Variants in SMYD3 observed in about 807,000 individuals in gnomAD.
The protein encoded by SMYD3 is SET and MYND domain containing 3, also known as histone-lysine N-methyltransferase SMYD3.
A neutral mutation model predicts 57.7 loss-of-function variants in SMYD3; 36 were observed. That is an observed-to-expected ratio of 0.62 (90% CI 0.48 to 0.82). The LOEUF (loss-of-function observed/expected upper bound fraction) is 0.82. SMYD3 is among the 40% of genes least tolerant of loss of function. SMYD3 has a pLI of 0.00. For synonymous variants in SMYD3, 211 were observed against 195.0 expected (o/e 1.08, Z -0.68); for missense variants, 515 against 538.8 (o/e 0.96, Z 0.44).
intron 5 of SMYD3, among the ~76,000 whole-genome samples, chr1:246,004,533 C>T (rs189588963): frequency 1.3e-5 from 2 of 152,230 alleles, no homozygotes; most frequent in Non-Finnish European, 2.9e-5. Flanking sequence ...GACAGCCTCC[C>T]GATTACACTG....
intron 8 of SMYD3, among the ~76,000 whole-genome samples, chr1:245,909,770 T>G (rs1253637011): frequency 2.6e-5 from 4 of 152,164 alleles, no homozygotes; most frequent in Middle Eastern, 3.4e-3. Context: ...TATGCCTTCA[T>G]GATGAAAAAA....
intron 1 of SMYD3, among the ~76,000 whole-genome samples, chr1:246,478,090 A>T (rs1479329331): frequency 6.9e-6 from 1 of 145,636 alleles, no homozygotes; most frequent in East Asian, 2.1e-4. Flanking sequence ...ACCTACTGAG[A>T]ACATATGTGG....
chr1:245,976,974 TCC>T (rs2058450794), intron 5 of SMYD3, among the ~76,000 whole-genome samples: 1 of 45,344 alleles, frequency 2.2e-5, no homozygotes, highest in African/African-American at 8.7e-5. Context: ...AGCCATCGTC[TCC>T]GGCCCAGGGA....
intron 5 of SMYD3, among the ~76,000 whole-genome samples, chr1:246,301,686 T>G (rs893998302): frequency 1.3e-5 from 2 of 152,068 alleles, no homozygotes; most frequent in Non-Finnish European, 2.9e-5. Flanking sequence ...GGGGAGCAAA[T>G]TATGCATATT....
chr1:245,768,984 T>C (rs1437561473), intron 10 of SMYD3, among the ~76,000 whole-genome samples: 2 of 152,228 alleles, frequency 1.3e-5, no homozygotes, highest in Non-Finnish European at 2.9e-5. Context: ...TTTTAAAAAC[T>C]GATGCAAAAC....
At chr1:246,142,307 T>A in intron 5 of SMYD3, among the ~76,000 whole-genome samples, 1 of 152,374 alleles carries the variant, frequency 6.6e-6, no homozygotes, top group South Asian at 2.1e-4. Flanking sequence ...CACAGTCTCA[T>A]GGATAGATTC....
At chr1:246,209,142 T>C (rs2063047416) in intron 5 of SMYD3, among the ~76,000 whole-genome samples, 1 of 152,178 alleles carries the variant, frequency 6.6e-6, no homozygotes, top group Non-Finnish European at 1.5e-5. Context: ...GTAATGTCTT[T>C]AGTGCAACTT....
intron 8 of SMYD3, among the ~76,000 whole-genome samples, chr1:245,907,146 T>C (rs1243662908): frequency 9.2e-5 from 14 of 152,202 alleles, no homozygotes; most frequent in Admixed American, 9.2e-4. Flanking sequence ...GACCTACTAT[T>C]TGATAGCACA....
chr1:246,301,165 T>A (rs1345937245), intron 5 of SMYD3, among the ~76,000 whole-genome samples: 1 of 152,026 alleles, frequency 6.6e-6, no homozygotes, highest in Non-Finnish European at 1.5e-5. Context: ...AAATGGGAAC[T>A]TAAGGGAAAA....
chr1:246,124,673 C>G (rs1035969698), intron 5 of SMYD3, among the ~76,000 whole-genome samples: 2 of 152,008 alleles, frequency 1.3e-5, no homozygotes, highest in African/African-American at 4.8e-5. Context: ...GACATAAGGC[C>G]GGAGAGGGAC....
intron 1 of SMYD3, among the ~76,000 whole-genome samples, chr1:246,457,374 A>G (rs1466013580): frequency 2.6e-5 from 4 of 152,048 alleles, no homozygotes; most frequent in Non-Finnish European, 5.9e-5. Flanking sequence ...TCTATTAAAA[A>G]TACAAAAAAT....
chr1:246,444,316 G>A (rs949624258), intron 1 of SMYD3, among the ~76,000 whole-genome samples: 12 of 152,130 alleles, frequency 7.9e-5, no homozygotes, highest in South Asian at 2.1e-4. Context: ...GGTAGAGACG[G>A]GGTTTCACCA....
chr1:246,078,175 A>G (rs1321147941), intron 5 of SMYD3, among the ~76,000 whole-genome samples: 2 of 152,098 alleles, frequency 1.3e-5, no homozygotes, highest in African/African-American at 4.8e-5. Context: ...TTATTGGGCT[A>G]TTGTTATCCC....
chr1:245,799,083 T>TG lies in SMYD3; in HGVS notation c.1077-34935_1077-34934insC, dbSNP rs2047728617. 2.6e-5 allele frequency among the ~76,000 whole-genome samples: 4 copies of TG among 152,358 alleles called. No homozygotes were observed. The South Asian group carries it at 8.3e-4, about 32-fold the overall frequency. On this transcript the variant is annotated intron_variant, in intron 10 of 11. Transcript: ENST00000490107. ...TCTCCATAGCAGAGAACCTGCCTAC[T>TG]CCTCTGAGAGATGATAAATGCTCCC...
intron 5 of SMYD3, among the ~76,000 whole-genome samples, chr1:246,073,753 T>C (rs2147801329): frequency 6.6e-6 from 1 of 152,276 alleles, no homozygotes; most frequent in African/African-American, 2.4e-5. Flanking sequence ...CTTTAGGGAT[T>C]TTAATCTTTC....
At chr1:245,762,083 C>G (rs890234716) in intron 11 of SMYD3, among the ~76,000 whole-genome samples, 1 of 152,158 alleles carries the variant, frequency 6.6e-6, no homozygotes, top group African/African-American at 2.4e-5. Flanking sequence ...CCGCGCCCAG[C>G]CTGAGTCTTA....
chr1:246,068,085 G>T (rs534505121), intron 5 of SMYD3, among the ~76,000 whole-genome samples: 58 of 152,254 alleles, frequency 3.8e-4, no homozygotes, highest in Non-Finnish European at 2.9e-4. Context: ...TAGAAAAGCA[G>T]TTAAGGGCGG....
At chr1:246,316,733 T>C (rs927771090) in intron 5 of SMYD3, among the ~76,000 whole-genome samples, 21 of 147,006 alleles carry the variant, frequency 1.4e-4, no homozygotes, top group Non-Finnish European at 2.5e-4. Flanking sequence ...CGGTGGCTCA[T>C]GCCTGTAATC....
intron 5 of SMYD3, among the ~76,000 whole-genome samples, chr1:246,053,789 A>G (rs2060103006): frequency 7.2e-6 from 1 of 138,234 alleles, no homozygotes; most frequent in Admixed American, 7.4e-5. Context: ...ATCTCTATGG[A>G]AAAAAAAAAA....
Sources: gnomAD v4.1 joint callset for allele counts (sites outside exome capture counted in the v4.1 genomes callset) on GRCh38, gnomAD v4.1.1 for gene constraint, MANE v1.5 for transcripts, NCBI Gene and HGNC (gene_info 2026-07-23, HGNC 2026-07-21) for gene names.